TGIF2: variants seen among roughly 807,000 people sequenced by gnomAD.
TGIF2 encodes the protein homeobox protein TGIF2.
TGIF2 carries 5 observed loss-of-function variants against 15.1 expected under a neutral mutation model. That is an observed-to-expected ratio of 0.33 (90% CI 0.17 to 0.70). TGIF2 has a LOEUF of 0.70. TGIF2 is among the 30% of genes least tolerant of loss of function. The pLI is 0.67. For missense variants in TGIF2, 264 were observed against 302.5 expected (o/e 0.87, Z 0.94); for synonymous variants, 131 against 128.9 (o/e 1.02, Z -0.11).
intron 2 of TGIF2, among the ~76,000 whole-genome samples, chr20:36,587,931 A>G (rs1406318928): frequency 6.6e-6 from 1 of 151,992 alleles, no homozygotes; most frequent in African/African-American, 2.4e-5. Context: ...GTACCTGGGC[A>G]TGGTGGCACA....
intron 2 of TGIF2, among the ~76,000 whole-genome samples, chr20:36,585,227 G>T (rs2038630286): frequency 6.6e-6 from 1 of 151,766 alleles, no homozygotes; most frequent in South Asian, 2.1e-4. Flanking sequence ...GCTAGGCACA[G>T]TGTCTCACGC....
At chr20:36,584,224 A>G (rs1245746213) in intron 2 of TGIF2, among the ~76,000 whole-genome samples, 1 of 152,166 alleles carries the variant, frequency 6.6e-6, no homozygotes, top group East Asian at 1.9e-4. Context: ...GGAGGCTCCC[A>G]GTCCCTAAAG....
At chr20:36,579,437 C>T (rs1297053516) in intron 2 of TGIF2, among the ~76,000 whole-genome samples, 2 of 152,206 alleles carry the variant, frequency 1.3e-5, no homozygotes, top group Non-Finnish European at 2.9e-5. Flanking sequence ...TCCCAAAGTG[C>T]TGGGATTACA....
intron 2 of TGIF2, among the ~76,000 whole-genome samples, chr20:36,585,503 G>A (rs943762673): frequency 6.8e-6 from 1 of 146,006 alleles, no homozygotes; most frequent in Non-Finnish European, 1.5e-5. Flanking sequence ...ACAAAAGTAA[G>A]AGAATATAAT....
chr20:36,577,272 T>C (rs1314490265), intron 1 of TGIF2, among the ~76,000 whole-genome samples: 2 of 152,132 alleles, frequency 1.3e-5, no homozygotes, highest in African/African-American at 4.8e-5. Context: ...TGATCTCAGC[T>C]CACTGCAACC....
At chr20:36,589,364 GC>G (rs2038722166) in intron 2 of TGIF2, among the ~76,000 whole-genome samples, 6 of 151,936 alleles carry the variant, frequency 3.9e-5, no homozygotes, top group Admixed American at 3.9e-4. Flanking sequence ...GCCTTGAAGA[GC>G]AGCAGGAAGG....
Position 36,590,987 on chromosome 20 carries a change from G to A in TGIF2, c.270G>A (p.Gln90=), listed in dbSNP as rs1198870675. 6.3e-7 allele frequency: 1 copy of A among 1,582,628 alleles called. No homozygotes were observed. Among genetic ancestry groups the A allele is most frequent in the African/African-American group, 1.3e-5 (1 of 74,190 alleles). ...MLRKDGKDPN[Q]FTISRRGGKA... Reference sequence around the variant, plus strand: ...GGAAGGATGGCAAAGACCCTAATCAGTTTACCATTTCCCGCCGCGGGGGTA... The same window carrying A: ...GGAAGGATGGCAAAGACCCTAATCAATTTACCATTTCCCGCCGCGGGGGTA... Residue 90 remains glutamine (Q), a synonymous_variant, in exon 3 of 3, where the codon CAG becomes CAA. Transcript: ENST00000373872.
rs113951151 is a variant in TGIF2, at chr20:36,576,778, T to C, written c.-34-1963T>C. Reference sequence around the variant, plus strand: ...GGGAGGGCAGTAGTGTGATCTCATCTCATTGCAACCTCTGCCTCCGGGCTC... The same window carrying C: ...GGGAGGGCAGTAGTGTGATCTCATCCCATTGCAACCTCTGCCTCCGGGCTC... On this transcript the variant is annotated intron_variant, in intron 1 of 2. Coordinates refer to ENST00000373872, the MANE Select transcript of TGIF2 (RefSeq NM_021809.7). Among the ~76,000 whole-genome samples, 925 of 152,296 alleles carry C rather than the reference T, an allele frequency of 6.1e-3. 10 individuals are homozygous for C. Among genetic ancestry groups the C allele is most frequent in the African/African-American group, 0.022 (895 of 41,544 alleles).
At chr20:36,576,385 TCACCTCTC>T in intron 1 of TGIF2, among the ~76,000 whole-genome samples, 1 of 152,298 alleles carries the variant, frequency 6.6e-6, no homozygotes, top group South Asian at 2.1e-4. Flanking sequence ...GAGAGATGAC[TCACCTCTC>T]TCACTGCAAG....
chr20:36,574,875 G>C (rs1245156777), intron 1 of TGIF2: 2 of 153,088 alleles, frequency 1.3e-5, no homozygotes, highest in Non-Finnish European at 2.9e-5. Context: ...GGGGAGTGTC[G>C]GGACCAGCTA....
chr20:36,591,138 A>G lies in TGIF2; in HGVS notation c.421A>G (p.Lys141Glu). ...GCCGCTTCACTCAGGCCAGGGGGAAAAGCCAGCAGCCCCTTTCCCACGTGG... is the reference window on the plus strand; with the variant it reads ...GCCGCTTCACTCAGGCCAGGGGGAAGAGCCAGCAGCCCCTTTCCCACGTGG... ...SMPLHSGQGEKPAAPFPRGEL... is the reference protein window; with the variant it reads ...SMPLHSGQGEEPAAPFPRGEL... Residue 141 changes from lysine (K) to glutamate (E), a missense_variant, in exon 3 of 3, where the codon AAG (lysine) becomes GAG (glutamate). Coordinates refer to ENST00000373872, the MANE Select transcript of TGIF2 (RefSeq NM_021809.7). The surrounding 1 kb of genome is among the most constrained non-coding windows in gnomAD (Gnocchi z 5.3). 1.9e-6 allele frequency: 3 copies of G among 1,613,820 alleles called. No homozygotes were observed. Among genetic ancestry groups the G allele is most frequent in the Non-Finnish European group, 2.5e-6 (3 of 1,179,806 alleles).
At chr20:36,586,542 A>G (rs2038661541) in intron 2 of TGIF2, among the ~76,000 whole-genome samples, 1 of 152,150 alleles carries the variant, frequency 6.6e-6, no homozygotes, top group Non-Finnish European at 1.5e-5. Flanking sequence ...TAAAAATACA[A>G]AAATTACTTG....
intron 1 of TGIF2, among the ~76,000 whole-genome samples, chr20:36,576,602 C>G (rs779419933): frequency 2.0e-5 from 3 of 151,998 alleles, no homozygotes; most frequent in Non-Finnish European, 4.4e-5. Flanking sequence ...TCCTTTACAG[C>G]TTTATTGAGA....
chr20:36,590,774 GTCTTGAAC>G (rs1464354914), intron 2 of TGIF2, 128 bp from the exon 3 acceptor site: 53 of 922,104 alleles, frequency 5.7e-5, no homozygotes, highest in Non-Finnish European at 7.8e-5. Flanking sequence ...GCCCAGGCTG[GTCTTGAAC>G]TCCTGGGCTT....
intron 2 of TGIF2, among the ~76,000 whole-genome samples, chr20:36,580,780 C>G (rs1161788459): frequency 7.6e-6 from 1 of 131,098 alleles, no homozygotes; most frequent in Non-Finnish European, 1.6e-5. Context: ...CACCACTGCA[C>G]TCCAGACTGG....
At chr20:36,588,288 G>A (rs2038699814) in intron 2 of TGIF2, among the ~76,000 whole-genome samples, 1 of 150,126 alleles carries the variant, frequency 6.7e-6, no homozygotes, top group African/African-American at 2.5e-5. Context: ...GCATGATACT[G>A]CTATCAAAGG....
rs759731821 is a variant in TGIF2 at position 36,578,852 on chromosome 20, C to T, written c.78C>T (p.Pro26=). 1.2e-6 allele frequency: 2 copies of T among 1,614,150 alleles called. No homozygotes were observed. The highest frequency in any genetic ancestry group is 1.7e-5 in the Admixed American group (1 of 60,008). The change falls in exon 2 of 3, where the codon CCC becomes CCT. Residue 26 remains proline, a synonymous_variant. Transcript: ENST00000373872. Reference sequence around the variant, plus strand: ...AAAGGAAGCGCAGGGGGAACCTGCCCAAGGAGTCGGTGAAGATCCTCCGGG... The same window carrying T: ...AAAGGAAGCGCAGGGGGAACCTGCCTAAGGAGTCGGTGAAGATCCTCCGGG... ...AGKRKRRGNL[P]KESVKILRDW...
intron 2 of TGIF2, 32 bp from the exon 3 acceptor site, chr20:36,590,876 AAG>A: frequency 6.7e-7 from 1 of 1,502,362 alleles, no homozygotes; most frequent in Non-Finnish European, 8.9e-7. Flanking sequence ...GTTTTAGATT[AAG>A]CAAATTGATC....
At chr20:36,587,581 A>G (rs894285106) in intron 2 of TGIF2, among the ~76,000 whole-genome samples, 3 of 152,180 alleles carry the variant, frequency 2.0e-5, no homozygotes, top group Non-Finnish European at 4.4e-5. Flanking sequence ...TGTGCAAGGA[A>G]GACTCCCTCT....
Sources: allele counts gnomAD v4.1 joint callset (sites outside exome capture counted in the v4.1 genomes callset), GRCh38; gene constraint gnomAD v4.1.1; non-coding constraint Gnocchi (gnomAD v3.1); transcripts MANE v1.5; gene names NCBI Gene and HGNC (gene_info 2026-07-23, HGNC 2026-07-21).